The following ENAH variants were observed in gnomAD, a reference collection of about 807,000 sequenced individuals.
The protein encoded by ENAH is protein enabled homolog.
Under a neutral mutation model 78.7 loss-of-function variants are expected in ENAH, and 23 were observed. The ratio of observed to expected loss-of-function variants is 0.29; its 90% CI spans 0.21 to 0.41. The LOEUF (loss-of-function observed/expected upper bound fraction) is 0.41, where lower values mean the gene tolerates loss of function less well. Ranked by LOEUF, ENAH falls within the 10% of genes least tolerant of loss-of-function variation. The pLI is 1.00. For missense variants in ENAH, 544 were observed against 691.0 expected (o/e 0.79, Z 2.39); for synonymous variants, 226 against 241.0 (o/e 0.94, Z 0.58).
rs1009070695 is a variant in ENAH, at chr1:225,652,287, A to G, written c.5+399T>C. 6.2e-6 allele frequency: 6 copies of G among 970,474 alleles called. No individual in the cohort carries two copies. In the African/African-American group the frequency reaches 7.0e-5, roughly 11 times the overall value. 60.1% of individuals were successfully genotyped at this position (970,474 alleles called of 1,614,324 possible). ...CACGAGAGTTCGGAGGCAAAAGTGCATGAAATTTTTACATATATACGAAAA... is the reference window on the plus strand; with the variant it reads ...CACGAGAGTTCGGAGGCAAAAGTGCGTGAAATTTTTACATATATACGAAAA... On this transcript the variant is annotated intron_variant, in intron 1 of 13. Transcript: ENST00000366843.
chr1:225,500,345 CTT>C (rs368569710), intron 12 of ENAH, among the ~76,000 whole-genome samples: 1 of 152,234 alleles, frequency 6.6e-6, no homozygotes, highest in African/African-American at 2.4e-5. Context: ...TGGACAGTAT[CTT>C]TTTCTTTTTT....
At chr1:225,604,848 A>C (rs2096949119) in intron 1 of ENAH, among the ~76,000 whole-genome samples, 2 of 152,130 alleles carry the variant, frequency 1.3e-5, no homozygotes, top group Non-Finnish European at 2.9e-5. Context: ...AGGGCTGATA[A>C]AGATATGAAA....
At chr1:225,497,836 G>A (rs759197376) in intron 13 of ENAH, 24 bp from the exon 14 acceptor site, 9 of 1,601,516 alleles carry the variant, frequency 5.6e-6, no homozygotes, top group South Asian at 3.3e-5. Flanking sequence ...AACAAGTATT[G>A]AAAATAAATA....
intron 1 of ENAH, among the ~76,000 whole-genome samples, chr1:225,578,402 G>C (rs982280310): frequency 3.3e-5 from 5 of 152,212 alleles, no homozygotes; most frequent in African/African-American, 9.7e-5. Flanking sequence ...TTCAGCCCAG[G>C]AGTGCAAGGT....
intron 1 of ENAH, among the ~76,000 whole-genome samples, chr1:225,650,563 A>G (rs541007894): frequency 6.6e-6 from 1 of 152,210 alleles, no homozygotes; most frequent in African/African-American, 2.4e-5. Flanking sequence ...AAAATAACCC[A>G]CTTTCGGCCA....
At chr1:225,602,642 G>A (rs934480400) in intron 1 of ENAH, among the ~76,000 whole-genome samples, 10 of 151,888 alleles carry the variant, frequency 6.6e-5, no homozygotes, top group Admixed American at 1.3e-4. Context: ...TATCAAAAAC[G>A]TATAACAAAT....
At chr1:225,520,219 T>C (rs1363711494) in intron 4 of ENAH, among the ~76,000 whole-genome samples, 1 of 150,336 alleles carries the variant, frequency 6.7e-6, no homozygotes, top group African/African-American at 2.5e-5. Flanking sequence ...CGCTTGAACC[T>C]GGGAGGCAGA....
intron 1 of ENAH, among the ~76,000 whole-genome samples, chr1:225,631,128 G>C (rs969875930): frequency 3.3e-5 from 5 of 152,136 alleles, no homozygotes; most frequent in African/African-American, 1.2e-4. Flanking sequence ...GTGGTGAAAA[G>C]GGACAGAGAA....
Position 225,514,636 on chromosome 1 carries a change from G to C in ENAH, c.1178C>G (p.Ala393Gly), listed in dbSNP as rs750638145. The C allele has an allele frequency of 2.5e-6, 4 of 1,612,136 alleles. No homozygotes were observed. The highest frequency in any genetic ancestry group is 3.4e-6 in the Non-Finnish European group (4 of 1,179,856). Reference sequence around the variant, plus strand: ...AAGTTTTGCTCCGGCAATTGCAGCTGCAAGTCCAGTTAAAGGGCGATTGTC... The same window carrying C: ...AAGTTTTGCTCCGGCAATTGCAGCTCCAAGTCCAGTTAAAGGGCGATTGTC... ...SEDNRPLTGL[A>G]AAIAGAKLRK... Residue 393 changes from alanine to glycine, a missense_variant, in exon 7 of 14, where the codon GCA becomes GGA. Transcript: ENST00000366843.
intron 1 of ENAH, among the ~76,000 whole-genome samples, chr1:225,573,558 T>C (rs1350000965): frequency 6.6e-6 from 1 of 152,098 alleles, no homozygotes; most frequent in Non-Finnish European, 1.5e-5. Flanking sequence ...AAGATAACTG[T>C]AGCTACTATG....
intron 6 of ENAH, among the ~76,000 whole-genome samples, chr1:225,515,824 T>G (rs146574936): frequency 6.6e-6 from 1 of 152,174 alleles, no homozygotes; most frequent in Non-Finnish European, 1.5e-5. Flanking sequence ...GTCCCTTCTG[T>G]AGGGGTTGTT....
In ENAH at chr1:225,519,460, C is replaced by T. The variant is rs760106942; in HGVS notation, c.540G>A (p.Arg180=). 1.9e-6 allele frequency: 3 copies of T among 1,612,084 alleles called. No homozygotes were observed. The highest frequency in any genetic ancestry group is 3.3e-4 in the Middle Eastern group (2 of 6,060). Residue 180 remains arginine (R), a synonymous_variant, in exon 5 of 14, where the codon AGG becomes AGA. Transcript: ENST00000366843. ...RLERERLERE[R]LERERLEQEQ... is the part of the protein sequence containing the mutation. Reference sequence around the variant, plus strand: ...CTTGTTCCAGTCGCTCCCTCTCCAGCCTTTCCCTTTCTAACCTCTCTCTCT... The same window carrying T: ...CTTGTTCCAGTCGCTCCCTCTCCAGTCTTTCCCTTTCTAACCTCTCTCTCT...
chr1:225,526,486 A>G lies in ENAH; in HGVS notation c.434+4068T>C, dbSNP rs1418632027. On this transcript the variant is annotated intron_variant, in intron 4 of 13. Transcript: ENST00000366843. Reference sequence around the variant, plus strand: ...CTCAAGTAGCTGGAACTACAGGTGCATGCCACCAGGCCTGGCTAATTTTTG... The same window carrying G: ...CTCAAGTAGCTGGAACTACAGGTGCGTGCCACCAGGCCTGGCTAATTTTTG... Among the ~76,000 whole-genome samples, 8 of 151,918 alleles carry G rather than the reference A, an allele frequency of 5.3e-5. No homozygotes were observed. In the South Asian group the frequency reaches 1.5e-3, roughly 28 times the overall value.
intron 3 of ENAH, among the ~76,000 whole-genome samples, 159 bp from the exon 4 acceptor site, chr1:225,530,797 A>C (rs977953555): frequency 6.6e-6 from 1 of 152,218 alleles, no homozygotes; most frequent in Non-Finnish European, 1.5e-5. Flanking sequence ...ACACAGAGCA[A>C]ATGAAAGACT....
chr1:225,593,895 A>T (rs2096890082), intron 1 of ENAH, among the ~76,000 whole-genome samples: 1 of 152,238 alleles, frequency 6.6e-6, no homozygotes. Context: ...TAATATCAAT[A>T]AAGTGTAGTT....
intron 11 of ENAH, among the ~76,000 whole-genome samples, chr1:225,502,077 T>A (rs916194736): frequency 1.3e-5 from 2 of 152,160 alleles, no homozygotes; most frequent in Admixed American, 6.5e-5. Flanking sequence ...ATGTTAGCAA[T>A]CTGAAGCAAG....
chr1:225,505,019 C>T (rs2096315011), intron 11 of ENAH: 1 of 1,612,684 alleles, frequency 6.2e-7, no homozygotes, highest in African/African-American at 1.3e-5. Context: ...GACCTGTTGT[C>T]AAAAACAATC....
intron 1 of ENAH, among the ~76,000 whole-genome samples, chr1:225,595,942 C>T (rs2096899834): frequency 6.6e-6 from 1 of 152,176 alleles, no homozygotes; most frequent in Non-Finnish European, 1.5e-5. Flanking sequence ...ATGTCTGCAA[C>T]TGAACTTAAG....
At chr1:225,533,887 T>C (rs2096549721) in intron 3 of ENAH, among the ~76,000 whole-genome samples, 1 of 152,148 alleles carries the variant, frequency 6.6e-6, no homozygotes, top group East Asian at 1.9e-4. Context: ...TCGGTGTTAT[T>C]ATATACACAA....
Sources: allele counts gnomAD v4.1 joint callset (sites outside exome capture counted in the v4.1 genomes callset), GRCh38; gene constraint gnomAD v4.1.1; transcripts MANE v1.5; gene names NCBI Gene and HGNC (gene_info 2026-07-23, HGNC 2026-07-21).